Variants in PCNT observed in about 807,000 individuals in gnomAD.
PCNT encodes pericentrin.
Under a neutral mutation model 380.4 loss-of-function variants are expected in PCNT, and 319 were observed. That is an observed-to-expected ratio of 0.84 (90% CI 0.77 to 0.92). The LOEUF is 0.92. Among genes scored for constraint, PCNT ranks in the 40% least tolerant of loss-of-function variants. The pLI, the probability that PCNT is intolerant of heterozygous loss-of-function variation, is 0.00. For synonymous variants in PCNT, 1,845 were observed against 1,735.2 expected (o/e 1.06, Z -1.57); for missense variants, 4,400 against 4,255.3 (o/e 1.03, Z -0.95).
chr21:46,364,020 G>C, intron 14 of PCNT, 86 bp downstream of exon 14: 1 of 1,255,048 alleles, frequency 8.0e-7, no homozygotes, highest in Non-Finnish European at 1.1e-6. Context: ...GGGAGGAGGC[G>C]CTGTGGGCTC....
chr21:46,325,638 G>GT (rs2083366380), intron 1 of PCNT, among the ~76,000 whole-genome samples: 1 of 152,214 alleles, frequency 6.6e-6, no homozygotes, highest in Admixed American at 6.5e-5. Flanking sequence ...CCATGCGTTT[G>GT]TTTTTGTGGC....
chr21:46,353,900 T>C, intron 10 of PCNT, 87 bp from the exon 11 acceptor site: 1 of 1,166,160 alleles, frequency 8.6e-7, no homozygotes, highest in Non-Finnish European at 1.3e-6. Context: ...GCGCCTCTGC[T>C]GTGAGCAGTC....
rs1171851891 is a variant in PCNT at position 46,399,246 on chromosome 21, A to AGGTCTCCCTGTGCAGCCTGTGGGTCTT, written c.4585-318_4585-317insTGGTCTCCCTGTGCAGCCTGTGGGTCT. 7.0e-4 allele frequency among the ~76,000 whole-genome samples: 103 copies of AGGTCTCCCTGTGCAGCCTGTGGGTCTT among 146,110 alleles called. 6 individuals are homozygous for AGGTCTCCCTGTGCAGCCTGTGGGTCTT. The highest frequency in any genetic ancestry group is 1.7e-3 in the South Asian group (8 of 4,582). On this transcript the variant is annotated intron_variant, in intron 24 of 46. Coordinates refer to ENST00000359568, the MANE Select transcript of PCNT (RefSeq NM_006031.6). ...AGATCTCTGTTCAGCCTCTGGGTCTAGGTCTCCCTGTGCAGCCTGTGGGTC... is the reference window on the plus strand; with the variant it reads ...AGATCTCTGTTCAGCCTCTGGGTCTAGGTCTCCCTGTGCAGCCTGTGGGTCTTGGTCTCCCTGTGCAGCCTGTGGGTC...
rs531589163 is a variant in PCNT at position 46,383,641 on chromosome 21, C to T, written c.3312+1801C>T. On this transcript the variant is annotated intron_variant, in intron 16 of 46. Coordinates refer to ENST00000359568, the MANE Select transcript of PCNT (RefSeq NM_006031.6). ...GCGTTCAGTGGCAGAAGCGCATTCA[C>T]GGTGTTGTGCATTCAGTGGCGGAAG... is the stretch of plus-strand genomic sequence containing the variant. Among the ~76,000 whole-genome samples the T allele has an allele frequency of 6.3e-5, 9 of 143,238 alleles. No individual in the cohort carries two copies. The South Asian group carries it at 7.0e-4, about 11-fold the overall frequency. 94.0% of individuals were successfully genotyped at this position (143,238 alleles called of 152,430 possible).
At chr21:46,363,969 G>T (rs779442202) in intron 14 of PCNT, 35 bp downstream of exon 14, 3 of 1,575,670 alleles carry the variant, frequency 1.9e-6, no homozygotes, top group Admixed American at 1.7e-5. Context: ...CAGTCCCTGT[G>T]AGGCCAGACA....
At position 46,424,715 on chromosome 21, in the gene PCNT, C is replaced by CCA. The variant is rs1555995671; in HGVS notation, c.7180-1115_7180-1114insAC. Among the ~76,000 whole-genome samples, 3 of 48,458 alleles carry CCA rather than the reference C, an allele frequency of 6.2e-5. 1 individual carries two copies. The highest frequency in any genetic ancestry group is 3.7e-4 in the African/African-American group (3 of 8,070). 31.8% of individuals were successfully genotyped at this position (48,458 alleles called of 152,430 possible). A position where few individuals can be genotyped will look rare whatever the true frequency, so the allele number is the denominator to read the frequency against. The stretch of plus-strand genomic sequence containing the variant: ...CTCCCCCGGCCCTGCTCCCACTGCG[C>CCA]CCCCCCCAACCCTGCTCCCCCAGCC... On this transcript the variant is annotated intron_variant, in intron 32 of 46. Coordinates refer to ENST00000359568, the MANE Select transcript of PCNT (RefSeq NM_006031.6).
Position 46,385,989 on chromosome 21 carries a change from T to C in PCNT, c.3464+6T>C. ...AACCTGTCCCACAGCGAAAGGTCAG[T>C]GTGTCCTCGGCACCGAGGCTGCCTT... On this transcript the variant is annotated splice_donor_region_variant and intron_variant, in intron 17 of 46. Coordinates refer to ENST00000359568, the MANE Select transcript of PCNT (RefSeq NM_006031.6). 3 of 1,613,892 alleles carry C rather than the reference T, an allele frequency of 1.9e-6. No homozygotes were observed. Among genetic ancestry groups the C allele is most frequent in the South Asian group, 1.1e-5 (1 of 91,090 alleles).
At chr21:46,430,903 G>T in intron 37 of PCNT, 1 of 862,578 alleles carries the variant, frequency 1.2e-6, no homozygotes, top group Non-Finnish European at 1.4e-6. Flanking sequence ...GCCCCCCCCC[G>T]TCCCTGAGCA....
chr21:46,427,961 A>G (rs555608300), intron 34 of PCNT, among the ~76,000 whole-genome samples, 166 bp downstream of exon 34: 1 of 152,326 alleles, frequency 6.6e-6, no homozygotes, highest in African/African-American at 2.4e-5. Context: ...TCCATGCAGG[A>G]TGCTGCACTT....
At chr21:46,410,718 G>C (rs2086758449) in intron 27 of PCNT, among the ~76,000 whole-genome samples, 1 of 152,214 alleles carries the variant, frequency 6.6e-6, no homozygotes, top group Non-Finnish European at 1.5e-5. Flanking sequence ...CTCATCACCA[G>C]CGTCACCACG....
chr21:46,340,932 G>A (rs1428203182), intron 3 of PCNT, among the ~76,000 whole-genome samples: 1 of 152,100 alleles, frequency 6.6e-6, no homozygotes, highest in Non-Finnish European at 1.5e-5. Context: ...AGCCCAGGCT[G>A]GAGTGCAGTG....
chr21:46,444,983 A>G (rs2053716681), intron 46 of PCNT, among the ~76,000 whole-genome samples, 162 bp downstream of exon 46: 2 of 152,212 alleles, frequency 1.3e-5, no homozygotes, highest in African/African-American at 4.8e-5. Context: ...CAAGTGAAGA[A>G]TCTCACAGAA....
rs184881088 is a variant in PCNT at position 46,416,016 on chromosome 21, G to A, written c.6151-53G>A. 4.4e-6 allele frequency: 7 copies of A among 1,582,312 alleles called. No individual in the cohort carries two copies. The East Asian group carries it at 8.9e-5, about 20-fold the overall frequency. ...CCACTCATTAACACCAGACAGGTGC[G>A]ACTCCTGGTGAGCCAGGTATTCCAC... On this transcript the variant is annotated intron_variant, in intron 29 of 46. Transcript: ENST00000359568.
chr21:46,410,424 A>T (rs1290545058), intron 27 of PCNT, among the ~76,000 whole-genome samples: 1 of 152,222 alleles, frequency 6.6e-6, no homozygotes, highest in African/African-American at 2.4e-5. Flanking sequence ...ATAGTTTTAA[A>T]ATTGTTAGAG....
intron 8 of PCNT, among the ~76,000 whole-genome samples, chr21:46,350,482 G>A (rs1391003238): frequency 6.6e-6 from 1 of 152,198 alleles, no homozygotes; most frequent in Non-Finnish European, 1.5e-5. Flanking sequence ...CAATCAAAAT[G>A]TTGATGTGGC....
rs772869924 is a variant in PCNT, at chr21:46,391,294, G to A, written c.4134G>A (p.Glu1378=). 7 of 1,578,082 alleles carry A rather than the reference G, an allele frequency of 4.4e-6. No individual in the cohort carries two copies. Among genetic ancestry groups the A allele is most frequent in the Non-Finnish European group, 6.0e-6 (7 of 1,161,966 alleles). Residue 1378 remains glutamate, a synonymous_variant, in exon 21 of 47, where the codon GAG becomes GAA. Transcript: ENST00000359568. ...GGCAGCTGCAGCAGGCGGCCCAGGAGCAGGCGGCGCTGAGGGAGGAGTGCA... is the reference window on the plus strand; with the variant it reads ...GGCAGCTGCAGCAGGCGGCCCAGGAACAGGCGGCGCTGAGGGAGGAGTGCA... ...LRRQLQQAAQ[E]QAALREECTR...
At chr21:46,432,332 G>C in intron 38 of PCNT, 117 bp downstream of exon 38, 1 of 980,852 alleles carries the variant, frequency 1.0e-6, no homozygotes, top group Non-Finnish European at 1.6e-6. Context: ...GGTCTGCTCT[G>C]GTCTGTGTGC....
chr21:46,335,064 G>C (rs2083689293), intron 3 of PCNT, among the ~76,000 whole-genome samples: 1 of 152,202 alleles, frequency 6.6e-6, no homozygotes, highest in Non-Finnish European at 1.5e-5. Context: ...ACATTGAAGA[G>C]AAGCCACCCT....
intron 36 of PCNT, 106 bp from the exon 37 acceptor site, chr21:46,430,401 C>A: frequency 6.8e-7 from 1 of 1,464,988 alleles, no homozygotes; most frequent in Non-Finnish European, 9.3e-7. Flanking sequence ...GGGTGAAGCA[C>A]ACGTGTGGGA....
Sources: allele counts gnomAD v4.1 joint callset (sites outside exome capture counted in the v4.1 genomes callset), GRCh38; gene constraint gnomAD v4.1.1; transcripts MANE v1.5; gene names NCBI Gene and HGNC (gene_info 2026-07-23, HGNC 2026-07-21).